ZNF521: variants seen among roughly 807,000 people sequenced by gnomAD.
ZNF521 encodes the protein zinc finger protein 521, also known as LYST-interacting protein 3.
Under a neutral mutation model 105.5 loss-of-function variants are expected in ZNF521, and 14 were observed. The ratio of observed to expected loss-of-function variants is 0.13; its 90% CI spans 0.09 to 0.21. The LOEUF (loss-of-function observed/expected upper bound fraction) is 0.21, where lower values mean the gene tolerates loss of function less well. ZNF521 is among the 10% of genes least tolerant of loss of function. The pLI is 1.00. For synonymous variants in ZNF521, 635 were observed against 606.0 expected (o/e 1.05, Z -0.70); for missense variants, 1,233 against 1,629.7 (o/e 0.76, Z 4.19).
chr18:25,250,431 C>T (rs1908036190), intron 3 of ZNF521, among the ~76,000 whole-genome samples: 1 of 152,100 alleles, frequency 6.6e-6, no homozygotes, highest in Non-Finnish European at 1.5e-5. Flanking sequence ...GCTATTTTTC[C>T]TTAGTTTTGG....
At chr18:25,179,993 G>C (rs2035603313) in intron 5 of ZNF521, among the ~76,000 whole-genome samples, 1 of 152,162 alleles carries the variant, frequency 6.6e-6, no homozygotes, top group Non-Finnish European at 1.5e-5. Flanking sequence ...TAAGACCTTT[G>C]ATGTATGTAT....
At chr18:25,228,092 A>C (rs1393900588) in intron 3 of ZNF521, among the ~76,000 whole-genome samples, 5 of 152,202 alleles carry the variant, frequency 3.3e-5, no homozygotes, top group Non-Finnish European at 7.3e-5. Context: ...TGAAGAACCA[A>C]ATGAAAAGAG....
chr18:25,241,434 C>T, intron 3 of ZNF521, among the ~76,000 whole-genome samples: 1 of 152,162 alleles, frequency 6.6e-6, no homozygotes, highest in East Asian at 1.9e-4. Context: ...ACTATCCAAA[C>T]TTTGCCATGC....
intron 5 of ZNF521, among the ~76,000 whole-genome samples, chr18:25,114,061 G>T (rs111955789): frequency 8.5e-5 from 13 of 152,092 alleles, no homozygotes; most frequent in African/African-American, 2.4e-4. Flanking sequence ...CCACAGGGAA[G>T]CCCTAAATTT....
chr18:25,089,329 C>T (rs2033694705), intron 7 of ZNF521, 136 bp downstream of exon 7: 3 of 655,336 alleles, frequency 4.6e-6, no homozygotes, highest in Non-Finnish European at 7.8e-6. Context: ...CTCTAATTTT[C>T]CCTTTGCCCC....
chr18:25,210,794 A>T (rs1403616354), intron 4 of ZNF521, among the ~76,000 whole-genome samples: 9 of 152,172 alleles, frequency 5.9e-5, no homozygotes. Context: ...CAGCTCTCTG[A>T]CCTTCTCTCC....
chr18:25,155,177 A>G (rs953353616), intron 5 of ZNF521, among the ~76,000 whole-genome samples: 3 of 152,080 alleles, frequency 2.0e-5, no homozygotes, highest in African/African-American at 7.2e-5. Context: ...GGCCATTTTT[A>G]TATCATATTT....
At chr18:25,267,930 G>A (rs1007909376) in intron 3 of ZNF521, among the ~76,000 whole-genome samples, 1 of 152,132 alleles carries the variant, frequency 6.6e-6, no homozygotes, top group Non-Finnish European at 1.5e-5. Context: ...CAGAGAATGA[G>A]TTTCACAAAT....
At chr18:25,202,261 G>A (rs2036005346) in intron 4 of ZNF521, 1 of 151,962 alleles carries the variant, frequency 6.6e-6, no homozygotes, top group African/African-American at 2.4e-5. Flanking sequence ...TCAACCTCTG[G>A]TTGAAAAATT....
intron 5 of ZNF521, among the ~76,000 whole-genome samples, chr18:25,122,158 A>G (rs1181342050): frequency 1.3e-5 from 2 of 152,220 alleles, no homozygotes; most frequent in Admixed American, 6.5e-5. Context: ...GATGAAAAAT[A>G]CAGATGGATT....
At chr18:25,152,829 A>T (rs1416762111) in intron 5 of ZNF521, among the ~76,000 whole-genome samples, 1 of 152,168 alleles carries the variant, frequency 6.6e-6, no homozygotes, top group Admixed American at 6.6e-5. Flanking sequence ...TATTTTTGAT[A>T]CTTCGCTGGC....
chr18:25,217,052 G>A (rs12709787), intron 4 of ZNF521, among the ~76,000 whole-genome samples: 56,751 of 151,866 alleles, frequency 0.37, 10,806 homozygotes, highest in South Asian at 0.5. Flanking sequence ...AGGAAGAGTC[G>A]CCAGAAGGAA....
intron 3 of ZNF521, among the ~76,000 whole-genome samples, chr18:25,295,160 T>C (rs1191745372): frequency 3.3e-5 from 5 of 152,138 alleles, no homozygotes; most frequent in African/African-American, 4.8e-5. Flanking sequence ...TGATAGTGAT[T>C]TTCCATTCTT....
At chr18:25,082,692 A>T in intron 7 of ZNF521, 1 of 416,570 alleles carries the variant, frequency 2.4e-6, no homozygotes, top group Non-Finnish European at 4.8e-6. Flanking sequence ...CACACAAAAA[A>T]TTAGCTGGGT....
chr18:25,117,882 C>G (rs2034359908), intron 5 of ZNF521, among the ~76,000 whole-genome samples: 1 of 152,068 alleles, frequency 6.6e-6, no homozygotes, highest in South Asian at 2.1e-4. Flanking sequence ...TCTACAGACT[C>G]ATGAATCTCG....
At chr18:25,132,539 C>T (rs1199454485) in intron 5 of ZNF521, among the ~76,000 whole-genome samples, 3 of 152,124 alleles carry the variant, frequency 2.0e-5, no homozygotes, top group Non-Finnish European at 4.4e-5. Context: ...ATGTCATTTA[C>T]ATTAAACTCT....
intron 5 of ZNF521, among the ~76,000 whole-genome samples, chr18:25,125,643 GC>G (rs2034524777): frequency 6.6e-6 from 1 of 151,804 alleles, no homozygotes; most frequent in African/African-American, 2.4e-5. Flanking sequence ...GTGTGTGTGT[GC>G]GTGTGTGTAT....
chr18:25,245,983 A>C (rs2144821102), intron 3 of ZNF521, among the ~76,000 whole-genome samples: 1 of 152,256 alleles, frequency 6.6e-6, no homozygotes, highest in East Asian at 1.9e-4. Flanking sequence ...AGCCTGGGTG[A>C]CAGAGTGAGA....
chr18:25,062,568 C>T lies in ZNF521; in HGVS notation c.*144G>A. 2 of 1,136,654 alleles carry T rather than the reference C, an allele frequency of 1.8e-6. No homozygotes were observed. The highest frequency in any genetic ancestry group is 2.5e-6 in the Non-Finnish European group (2 of 787,992). 70.4% of individuals were successfully genotyped at this position (1,136,654 alleles called of 1,614,324 possible). A position where few individuals can be genotyped will look rare whatever the true frequency, so the allele number is the denominator to read the frequency against. Reference sequence around the variant, plus strand: ...CGCAAAAGTTCAAACACATGAACATCCAACAGTTTGATAATACAAGTTTTA... The same window carrying T: ...CGCAAAAGTTCAAACACATGAACATTCAACAGTTTGATAATACAAGTTTTA... On this transcript the variant is annotated 3_prime_UTR_variant, in exon 8 of 8. Coordinates refer to ENST00000361524, the MANE Select transcript of ZNF521 (RefSeq NM_015461.3).
Sources: allele counts gnomAD v4.1 joint callset (sites outside exome capture counted in the v4.1 genomes callset), GRCh38; gene constraint gnomAD v4.1.1; transcripts MANE v1.5; gene names NCBI Gene and HGNC (gene_info 2026-07-23, HGNC 2026-07-21).